Variants in ADGRF1 observed in about 807,000 individuals in gnomAD.
ADGRF1 encodes G protein-coupled receptor 110.
A neutral mutation model predicts 87.2 loss-of-function variants in ADGRF1; 85 were observed. That is an observed-to-expected ratio of 0.97 (90% CI 0.82 to 1.17). ADGRF1 has a LOEUF of 1.17. Among genes scored for constraint, ADGRF1 ranks in the 50% most tolerant of loss-of-function variants. The pLI is 0.00. For synonymous variants in ADGRF1, 430 were observed against 408.8 expected (o/e 1.05, Z -0.63); for missense variants, 1,169 against 1,077.2 (o/e 1.09, Z -1.19).
intron 1 of ADGRF1, among the ~76,000 whole-genome samples, chr6:47,032,006 C>T (rs968347513): frequency 4.6e-5 from 7 of 152,124 alleles, no homozygotes; most frequent in African/African-American, 1.7e-4. Context: ...CATGCCAGGG[C>T]AGCCCATGTG....
At chr6:47,029,146 A>G in intron 1 of ADGRF1, 42 bp from the exon 2 acceptor site, 1 of 1,094,820 alleles carries the variant, frequency 9.1e-7, no homozygotes, top group Non-Finnish European at 1.4e-6. Flanking sequence ...GCACAAAAAC[A>G]AGAAATTCAA....
chr6:47,000,307 A>C lies in ADGRF1; in HGVS notation c.2660-12T>G. The C allele has an allele frequency of 6.4e-7, 1 of 1,568,322 alleles. No individual in the cohort carries two copies. The highest frequency in any genetic ancestry group is 1.7e-4 in the Middle Eastern group (1 of 5,952). On this transcript the variant is annotated splice_polypyrimidine_tract_variant and intron_variant, in intron 14 of 14. Coordinates refer to ENST00000371253, the MANE Select transcript of ADGRF1 (RefSeq NM_153840.4). ...AAATGCATAATGGCCTGAAGGGGAA[A>C]AAAAAAGGAAATAATTATTGTTACT... is the stretch of plus-strand genomic sequence containing the variant.
At chr6:47,030,726 T>G (rs1780389790) in intron 1 of ADGRF1, among the ~76,000 whole-genome samples, 1 of 151,942 alleles carries the variant, frequency 6.6e-6, no homozygotes, top group Non-Finnish European at 1.5e-5. Flanking sequence ...CATTGCAGAG[T>G]GGGGGTTGTG....
At chr6:47,027,559 G>A in intron 3 of ADGRF1, 145 bp downstream of exon 3, 2 of 603,408 alleles carry the variant, frequency 3.3e-6, no homozygotes, top group Non-Finnish European at 6.0e-6. Context: ...TTGCTCATAG[G>A]AATTACTGTC....
At chr6:47,018,502 TA>T in intron 7 of ADGRF1, 1 of 1,289,842 alleles carries the variant, frequency 7.8e-7, no homozygotes, top group Non-Finnish European at 1.0e-6. Flanking sequence ...ATGTCCATTC[TA>T]TTGATTACAG....
At chr6:47,024,583 G>C (rs1003772265) in intron 4 of ADGRF1, among the ~76,000 whole-genome samples, 19 of 152,154 alleles carry the variant, frequency 1.2e-4, no homozygotes, top group African/African-American at 4.3e-4. Context: ...CAAAGTGCTG[G>C]GATTACAGGC....
At chr6:47,001,863 T>C (rs184631290) in intron 13 of ADGRF1, 8 of 229,620 alleles carry the variant, frequency 3.5e-5, no homozygotes, top group Non-Finnish European at 6.0e-5. Flanking sequence ...TGTCTATGCT[T>C]ACATTTCTTT....
intron 7 of ADGRF1, chr6:47,018,598 G>A: frequency 1.6e-6 from 2 of 1,289,076 alleles, no homozygotes; most frequent in Non-Finnish European, 1.0e-6. Flanking sequence ...TGACAGATAA[G>A]TAAATAGAGT....
intron 11 of ADGRF1, among the ~76,000 whole-genome samples, chr6:47,007,827 T>C (rs557892408): frequency 4.6e-5 from 7 of 152,286 alleles, no homozygotes; most frequent in Admixed American, 2.6e-4. Context: ...GTTCAGACAG[T>C]GTATCACTAT....
At chr6:47,018,087 T>C in intron 7 of ADGRF1, 1 of 211,628 alleles carries the variant, frequency 4.7e-6, no homozygotes, top group Non-Finnish European at 9.5e-6. Flanking sequence ...AGTCAGAGGA[T>C]TCCCAGTTTG....
In ADGRF1 at chr6:47,009,027, G is replaced by T; in HGVS notation, c.2408C>A (p.Thr803Asn). The change falls in exon 11 of 15, where the codon ACC (threonine) becomes AAC (asparagine). Residue 803 changes from threonine (T) to asparagine (N), a missense_variant. Thr to Asn is a moderately conservative substitution (Grantham distance 65). Coordinates refer to ENST00000371253, the MANE Select transcript of ADGRF1 (RefSeq NM_153840.4). ...LLILTPLLGL[T>N]WGFGIGTIVD... ...TATTGTTCCTATTCCAAAGCCCCAG[G>T]TGAGCCCTAGCAGAGGGGTCAGAAT... 3.7e-6 allele frequency: 6 copies of T among 1,614,058 alleles called. No individual in the cohort carries two copies. The highest frequency in any genetic ancestry group is 5.1e-6 in the Non-Finnish European group (6 of 1,179,996).
chr6:47,039,710 C>T (rs1473499129), intron 1 of ADGRF1, among the ~76,000 whole-genome samples: 1 of 152,140 alleles, frequency 6.6e-6, no homozygotes, highest in African/African-American at 2.4e-5. Flanking sequence ...GCCTGTAATC[C>T]CAGCACTTTG....
At chr6:47,023,797 T>C (rs1467625291) in intron 5 of ADGRF1, among the ~76,000 whole-genome samples, 1 of 152,206 alleles carries the variant, frequency 6.6e-6, no homozygotes, top group Non-Finnish European at 1.5e-5. Flanking sequence ...TAAAATCATA[T>C]GATTGCAGAG....
chr6:47,020,469 A>C (rs1343469893), intron 7 of ADGRF1: 1 of 1,385,610 alleles, frequency 7.2e-7, no homozygotes, highest in Non-Finnish European at 9.8e-7. Flanking sequence ...GTGCCATTGC[A>C]CTCCAACTTG....
chr6:47,019,890 T>G (rs1269061010), intron 7 of ADGRF1: 1 of 984,944 alleles, frequency 1.0e-6, no homozygotes, highest in Non-Finnish European at 1.2e-6. Flanking sequence ...AAAGGATAAT[T>G]TACTAAATAT....
chr6:47,031,964 G>A (rs1780443860), intron 1 of ADGRF1, among the ~76,000 whole-genome samples: 1 of 152,070 alleles, frequency 6.6e-6, no homozygotes, highest in African/African-American at 2.4e-5. Context: ...TCCCACCTCA[G>A]CTTCCAAAGT....
intron 3 of ADGRF1, among the ~76,000 whole-genome samples, chr6:47,026,538 G>T (rs1207926527): frequency 6.6e-6 from 1 of 152,050 alleles, no homozygotes; most frequent in Non-Finnish European, 1.5e-5. Flanking sequence ...TTCCCTTGAG[G>T]CTTGATGCAC....
rs747373178 is a variant in ADGRF1, at chr6:47,014,729, C to T, written c.879G>A (p.Gln293=). 1 of 1,613,990 alleles carries T rather than the reference C, an allele frequency of 6.2e-7. No homozygotes were observed. Among genetic ancestry groups the T allele is most frequent in the South Asian group, 1.1e-5 (1 of 91,074 alleles). Residue 293 remains glutamine, a synonymous_variant, in exon 9 of 15, where the codon CAG becomes CAA. Coordinates refer to ENST00000371253, the MANE Select transcript of ADGRF1 (RefSeq NM_153840.4). ...AGAGCACACAAGTCTCCCTGATGAC[C>T]TGCCACCCAGAGGACTCACACTTGG... ...ITAKCESSGW[Q]VIRETCVLSL... is the part of the protein sequence containing the mutation.
At chr6:47,002,309 G>A (rs116227187) in intron 13 of ADGRF1, among the ~76,000 whole-genome samples, 1 of 151,126 alleles carries the variant, frequency 6.6e-6, no homozygotes, top group African/African-American at 2.4e-5. Context: ...GGAAAAACAT[G>A]TTCTTATTAT....
Sources: gnomAD v4.1 joint callset for allele counts (sites outside exome capture counted in the v4.1 genomes callset) on GRCh38, gnomAD v4.1.1 for gene constraint, MANE v1.5 for transcripts, NCBI Gene and HGNC (gene_info 2026-07-23, HGNC 2026-07-21) for gene names.